ZNF638: variants seen among roughly 807,000 people sequenced by gnomAD.
ZNF638 encodes the protein CTCL tumor antigen se33-1.
A neutral mutation model predicts 195.6 loss-of-function variants in ZNF638; 46 were observed. That is an observed-to-expected ratio of 0.24 (90% CI 0.19 to 0.30). ZNF638 has a LOEUF of 0.30. Ranked by LOEUF, ZNF638 falls within the 10% of genes least tolerant of loss-of-function variation. The pLI, the probability that ZNF638 is intolerant of heterozygous loss-of-function variation, is 1.00. For synonymous variants in ZNF638, 845 were observed against 772.0 expected, an observed-to-expected ratio of 1.09 and a Z score of -1.57; for missense variants, 2,440 against 2,325.3, an observed-to-expected ratio of 1.05 and a Z score of -1.01.
intron 2 of ZNF638, among the ~76,000 whole-genome samples, chr2:71,354,798 A>G (rs1348857094): frequency 6.6e-6 from 1 of 151,900 alleles, no homozygotes; most frequent in African/African-American, 2.4e-5. Context: ...TCAAAGCTCT[A>G]TATGTAAGGG....
chr2:71,426,716 A>G lies in ZNF638; in HGVS notation c.4847A>G (p.Gln1616Arg). The change falls in exon 24 of 28, where the codon CAA becomes CGA. Residue 1616 changes from glutamine (Q) to arginine (R), a missense_variant. Gln to Arg is a conservative substitution (Grantham distance 43). Coordinates refer to ENST00000264447, the MANE Select transcript of ZNF638 (RefSeq NM_014497.5). The stretch of plus-strand genomic sequence containing the variant: ...GAAGATGCAGCTGCACATCTAGCAC[A>G]AGCTCTAGTCACTGTGGATGAAGTA... Reference protein sequence around the residue: ...EEEDAAAHLAQALVTVDEVID... With the variant: ...EEEDAAAHLARALVTVDEVID... The G allele has an allele frequency of 6.2e-7, 1 of 1,614,232 alleles. No individual in the cohort carries two copies. The highest frequency in any genetic ancestry group is 1.1e-5 in the South Asian group (1 of 91,086).
intron 13 of ZNF638, 28 bp downstream of exon 13, chr2:71,399,673 CTTTG>C (rs2079966379): frequency 1.3e-6 from 2 of 1,549,208 alleles, no homozygotes; most frequent in Non-Finnish European, 1.8e-6. Flanking sequence ...TCATTCAGTG[CTTTG>C]TTTTCTTTTC....
rs1371888424 is a variant in ZNF638, at chr2:71,349,732, A to C, written c.778A>C (p.Asn260His). 1.2e-6 allele frequency: 2 copies of C among 1,614,042 alleles called. No individual in the cohort carries two copies. The highest frequency in any genetic ancestry group is 2.7e-5 in the African/African-American group (2 of 74,918). Residue 260 changes from asparagine to histidine, a missense_variant, in exon 2 of 28, where the codon AAT becomes CAT. Physicochemically the swap from Asn to His is moderately conservative, Grantham distance 68. Transcript: ENST00000264447. ...TGTTCCCAATCCAAATGTGATATGT[A>C]ATTCTATGTTTCCTGTTGAAGACGT... ...ASVPNPNVICNSMFPVEDVFR... is the reference protein window; with the variant it reads ...ASVPNPNVICHSMFPVEDVFR...
chr2:71,426,743 TTGA>T lies in ZNF638; in HGVS notation c.4878_4880del (p.Asp1626del), dbSNP rs1266135654. 24 of 1,614,048 alleles carry T rather than the reference TTGA, an allele frequency of 1.5e-5. No individual in the cohort carries two copies. Among genetic ancestry groups the T allele is most frequent in the Middle Eastern group, 3.3e-4 (2 of 6,060 alleles). The stretch of plus-strand genomic sequence containing the variant: ...GCTCTAGTCACTGTGGATGAAGTAA[TTGA>T]TGAAGAAGAACTAAATATGGAAGAA... On this transcript the variant is annotated inframe_deletion, in exon 24 of 28. Coordinates refer to ENST00000264447, the MANE Select transcript of ZNF638 (RefSeq NM_014497.5).
chr2:71,377,659 G>A (rs953513074), intron 8 of ZNF638, among the ~76,000 whole-genome samples: 2 of 152,212 alleles, frequency 1.3e-5, no homozygotes, highest in African/African-American at 4.8e-5. Context: ...GTGAGCAAGA[G>A]AGGTGTGATC....
At chr2:71,340,539 G>C (rs2078745903) in intron 1 of ZNF638, among the ~76,000 whole-genome samples, 1 of 152,162 alleles carries the variant, frequency 6.6e-6, no homozygotes, top group Admixed American at 6.5e-5. Flanking sequence ...TATATATTCT[G>C]AGACAAACAG....
Position 71,349,867 on chromosome 2 carries a change from C to T in ZNF638, c.913C>T (p.Leu305Phe), listed in dbSNP as rs778509104. 216 of 1,614,060 alleles carry T rather than the reference C, an allele frequency of 1.3e-4. No homozygotes were observed. Among genetic ancestry groups the T allele is most frequent in the Non-Finnish European group, 1.7e-4 (199 of 1,180,044 alleles). The change falls in exon 2 of 28, where the codon CTT (leucine) becomes TTT (phenylalanine). Residue 305 changes from leucine to phenylalanine, a missense_variant. Leu to Phe is a conservative substitution (Grantham distance 22, BLOSUM62 0). Coordinates refer to ENST00000264447, the MANE Select transcript of ZNF638 (RefSeq NM_014497.5). Reference protein sequence around the residue: ...GLHISGGQSVLEPIKSVNQSI... With the variant: ...GLHISGGQSVFEPIKSVNQSI... ...ACACATTTCAGGAGGACAGTCAGTCCTTGAACCCATAAAATCCGTCAACCA... is the reference window on the plus strand; with the variant it reads ...ACACATTTCAGGAGGACAGTCAGTCTTTGAACCCATAAAATCCGTCAACCA...
chr2:71,341,774 G>C (rs369017471), intron 1 of ZNF638: 69 of 152,248 alleles, frequency 4.5e-4, no homozygotes, highest in African/African-American at 1.7e-3. Context: ...TATGACCAGA[G>C]CTCCTGGGGT....
At chr2:71,369,464 CCT>C (rs1465246830) in intron 7 of ZNF638, among the ~76,000 whole-genome samples, 1 of 152,094 alleles carries the variant, frequency 6.6e-6, no homozygotes, top group Non-Finnish European at 1.5e-5. Context: ...CATAGCAAGA[CCT>C]CTGTCTTAAT....
intron 1 of ZNF638, among the ~76,000 whole-genome samples, chr2:71,340,250 C>T (rs2078741309): frequency 6.6e-6 from 1 of 152,162 alleles, no homozygotes; most frequent in Admixed American, 6.5e-5. Context: ...TTTGAAGGCA[C>T]CACATTTTGG....
chr2:71,366,402 C>T (rs988649508), intron 6 of ZNF638, among the ~76,000 whole-genome samples: 8 of 151,802 alleles, frequency 5.3e-5, no homozygotes, highest in Non-Finnish European at 8.8e-5. Context: ...TTTTTTATTC[C>T]GTGTTTCCAA....
chr2:71,400,143 C>A lies in ZNF638; in HGVS notation c.2619C>A (p.Val873=). ...ENSEIKTSIE[V]KATENCAKEA... is the part of the protein sequence containing the mutation. ...CTGAAATAAAGACCAGTATTGAAGTCAAAGCCACTGAAAACTGTGCTAAAG... is the reference window on the plus strand; with the variant it reads ...CTGAAATAAAGACCAGTATTGAAGTAAAAGCCACTGAAAACTGTGCTAAAG... The change falls in exon 14 of 28, where the codon GTC becomes GTA. Residue 873 remains valine, a synonymous_variant. Transcript: ENST00000264447. 6.2e-7 allele frequency: 1 copy of A among 1,609,766 alleles called. No homozygotes were observed. Among genetic ancestry groups the A allele is most frequent in the South Asian group, 1.1e-5 (1 of 90,024 alleles).
At chr2:71,424,101 T>G in intron 22 of ZNF638, 63 bp downstream of exon 22, 4 of 1,546,412 alleles carry the variant, frequency 2.6e-6, no homozygotes, top group Non-Finnish European at 3.5e-6. Context: ...CTGCTGTAGC[T>G]ATGTAGTAGG....
Position 71,364,044 on chromosome 2 carries a change from C to G in ZNF638, c.1509C>G (p.His503Gln). ...PRRSRRSSSS[H>Q]RFRRSRSPMH... Reference sequence around the variant, plus strand: ...GTTCTAGAAGATCAAGCTCAAGTCACAGATTCCGTCGGTCTCGAAGCCCAA... The same window carrying G: ...GTTCTAGAAGATCAAGCTCAAGTCAGAGATTCCGTCGGTCTCGAAGCCCAA... The change falls in exon 5 of 28, where the codon CAC becomes CAG. Residue 503 changes from histidine to glutamine, a missense_variant. His to Gln is a conservative substitution (Grantham distance 24). Transcript: ENST00000264447. 2.5e-6 allele frequency: 4 copies of G among 1,614,206 alleles called. No individual in the cohort carries two copies. The highest frequency in any genetic ancestry group is 3.4e-6 in the Non-Finnish European group (4 of 1,180,030).
In ZNF638 at chr2:71,403,954, C is replaced by T; in HGVS notation, c.2914C>T (p.Leu972Phe). 6.2e-7 allele frequency: 1 copy of T among 1,612,590 alleles called. No homozygotes were observed. The highest frequency in any genetic ancestry group is 1.1e-5 in the South Asian group (1 of 90,902). ...CFPVLMDGNQLSISMAPENMN... is the reference protein window; with the variant it reads ...CFPVLMDGNQFSISMAPENMN... ...CCCAGTATTGATGGATGGAAATCAA[C>T]TCTCAATAAGTATGGCTCCTGAAAA... Residue 972 changes from leucine (L) to phenylalanine (F), a missense_variant, in exon 17 of 28, where the codon CTC (leucine) becomes TTC (phenylalanine). This residue lies in a region of ZNF638 where 1,883 missense variants were observed against 1,739.1 expected (regional missense o/e 1.08). Transcript: ENST00000264447.
intron 8 of ZNF638, among the ~76,000 whole-genome samples, chr2:71,370,595 A>G (rs2079291959): frequency 6.6e-6 from 1 of 152,178 alleles, no homozygotes; most frequent in Non-Finnish European, 1.5e-5. Flanking sequence ...AGCTATATGT[A>G]TATCTCACCT....
chr2:71,418,518 A>G (rs1479521006), intron 20 of ZNF638, 84 bp from the exon 21 acceptor site: 2 of 1,008,102 alleles, frequency 2.0e-6, no homozygotes, highest in Admixed American at 2.9e-5. Context: ...TTGAGCTTAA[A>G]TTTTTACTAA....
At position 71,364,153 on chromosome 2, in the gene ZNF638, C is replaced by T. The variant is rs143867377; in HGVS notation, c.1618C>T (p.Arg540Cys). 6.2e-6 allele frequency: 10 copies of T among 1,614,014 alleles called. No homozygotes were observed. Among genetic ancestry groups the T allele is most frequent in the East Asian group, 2.2e-5 (1 of 44,882 alleles). Residue 540 changes from arginine to cysteine, a missense_variant, in exon 5 of 28, where the codon CGT becomes TGT. Arg to Cys is a radical substitution (Grantham distance 180). Coordinates refer to ENST00000264447, the MANE Select transcript of ZNF638 (RefSeq NM_014497.5). ...ISRYRSRSRS[R>C]SPYRIRNPFR... is the part of the protein sequence containing the mutation. ...TAGATACAGATCCAGATCCAGATCCCGTTCACCATATCGAATTAGAAATCC... is the reference window on the plus strand; with the variant it reads ...TAGATACAGATCCAGATCCAGATCCTGTTCACCATATCGAATTAGAAATCC...
Position 71,352,628 on chromosome 2 carries a change from G to A in ZNF638, c.1317+2357G>A, listed in dbSNP as rs373177520. Among the ~76,000 whole-genome samples the A allele has an allele frequency of 3.2e-4, 48 of 152,154 alleles. 1 individual carries two copies. The South Asian group carries it at 8.3e-3, about 26-fold the overall frequency. On this transcript the variant is annotated intron_variant, in intron 2 of 27. Coordinates refer to ENST00000264447, the MANE Select transcript of ZNF638 (RefSeq NM_014497.5). ...TGATGAGCGTATTAGAAATAAGTAC[G>A]AAAGGCTTTGAAGAGCTAGCCTAGG... is the stretch of plus-strand genomic sequence containing the variant.
Sources: gnomAD v4.1 joint callset for allele counts (sites outside exome capture counted in the v4.1 genomes callset) on GRCh38, gnomAD v4.1.1 for gene constraint, gnomAD v4.1.1 regional missense constraint, MANE v1.5 for transcripts, NCBI Gene and HGNC (gene_info 2026-07-23, HGNC 2026-07-21) for gene names.